The following RNF150 variants were observed in gnomAD, a reference collection of about 807,000 sequenced individuals.
RNF150 encodes ring finger protein 150.
In RNF150, 24 loss-of-function variants were observed where a neutral mutation model predicts 39.3. The ratio of observed to expected loss-of-function variants is 0.61; its 90% confidence interval spans 0.44 to 0.86. The LOEUF is 0.86. RNF150 is among the 40% of genes least tolerant of loss of function. RNF150 has a pLI of 0.00. For synonymous variants in RNF150, 255 were observed against 227.3 expected (o/e 1.12, Z -1.10); for missense variants, 502 against 587.8 (o/e 0.85, Z 1.51).
At chr4:140,871,199 C>T in intron 6 of RNF150, among the ~76,000 whole-genome samples, 1 of 151,690 alleles carries the variant, frequency 6.6e-6, no homozygotes, top group South Asian at 2.1e-4. Flanking sequence ...GCATTAGAGT[C>T]CTTTCCAGTT....
At chr4:141,040,404 G>A (rs1736312895) in intron 1 of RNF150, among the ~76,000 whole-genome samples, 1 of 152,114 alleles carries the variant, frequency 6.6e-6, no homozygotes, top group African/African-American at 2.4e-5. Context: ...TGCACAACAA[G>A]GAGGAGAACT....
intron 1 of RNF150, among the ~76,000 whole-genome samples, chr4:141,172,983 G>C (rs951313440): frequency 6.6e-6 from 1 of 151,908 alleles, no homozygotes; most frequent in African/African-American, 2.4e-5. Flanking sequence ...CCAAGATCGC[G>C]GCATTGCACT....
chr4:141,065,953 G>C (rs1320910400), intron 1 of RNF150, among the ~76,000 whole-genome samples: 1 of 151,960 alleles, frequency 6.6e-6, no homozygotes. Flanking sequence ...ATCAGAAAAG[G>C]CTTCTTTCCT....
chr4:141,002,203 C>T (rs1249190641), intron 1 of RNF150, among the ~76,000 whole-genome samples: 1 of 151,830 alleles, frequency 6.6e-6, no homozygotes, highest in East Asian at 1.9e-4. Flanking sequence ...TAAAGAGTTA[C>T]AATTTTGAAT....
intron 1 of RNF150, among the ~76,000 whole-genome samples, chr4:140,969,428 CCTTTT>C (rs1189567219): frequency 1.3e-5 from 2 of 151,984 alleles, no homozygotes; most frequent in South Asian, 2.1e-4. Flanking sequence ...TTTTGACGCG[CCTTTT>C]CTTTTCATTT....
chr4:140,959,890 C>T (rs1298383563), intron 2 of RNF150, among the ~76,000 whole-genome samples: 1 of 152,038 alleles, frequency 6.6e-6, no homozygotes, highest in East Asian at 1.9e-4. Context: ...GTATCTCAGG[C>T]TCAGGCTACA....
At chr4:140,890,563 G>C (rs1364244098) in intron 6 of RNF150, among the ~76,000 whole-genome samples, 1 of 152,122 alleles carries the variant, frequency 6.6e-6, no homozygotes, top group Non-Finnish European at 1.5e-5. Flanking sequence ...GATAGGATTA[G>C]TGTTCTTATA....
Position 140,866,940 on chromosome 4 carries a change from A to G in RNF150, c.*1321T>C, listed in dbSNP as rs1447509299. 2.0e-5 allele frequency: 3 copies of G among 152,200 alleles called. No individual in the cohort carries two copies. The highest frequency in any genetic ancestry group is 7.2e-5 in the African/African-American group (3 of 41,444). 9.4% of individuals were successfully genotyped at this position (152,200 alleles called of 1,614,324 possible). ...GAATAAAAACAGAAACAGTTTAAAA[A>G]CACCATTGGGTTTCAGTATTTACTT... On this transcript the variant is annotated 3_prime_UTR_variant, in exon 7 of 7. Coordinates refer to ENST00000515673, the MANE Select transcript of RNF150 (RefSeq NM_020724.2).
At chr4:140,876,951 T>G (rs537103783) in intron 6 of RNF150, among the ~76,000 whole-genome samples, 1 of 152,370 alleles carries the variant, frequency 6.6e-6, no homozygotes, top group Middle Eastern at 3.4e-3. Context: ...TGCGGTCAAA[T>G]TAGGAAAATT....
At chr4:141,115,833 T>C (rs959263209) in intron 1 of RNF150, among the ~76,000 whole-genome samples, 1 of 151,950 alleles carries the variant, frequency 6.6e-6, no homozygotes, top group Admixed American at 6.6e-5. Context: ...TCAGAAATAA[T>C]ACCACACATC....
At chr4:141,105,917 A>T (rs1293307966) in intron 1 of RNF150, among the ~76,000 whole-genome samples, 1 of 152,128 alleles carries the variant, frequency 6.6e-6, no homozygotes, top group African/African-American at 2.4e-5. Flanking sequence ...CTTGCTCAAA[A>T]ACCTTTAATG....
intron 5 of RNF150, among the ~76,000 whole-genome samples, chr4:140,924,344 A>G (rs964628341): frequency 6.6e-6 from 1 of 152,236 alleles, no homozygotes; most frequent in Non-Finnish European, 1.5e-5. Flanking sequence ...CTTATTTACA[A>G]GTAGCTTCTG....
At chr4:140,949,131 A>G (rs1732441439) in intron 3 of RNF150, among the ~76,000 whole-genome samples, 170 bp downstream of exon 3, 1 of 152,248 alleles carries the variant, frequency 6.6e-6, no homozygotes, top group Non-Finnish European at 1.5e-5. Flanking sequence ...TACGCATTTT[A>G]TAACAAACTT....
rs139005589 is a variant in RNF150, at chr4:140,924,582, C to T, written c.987+1395G>A. The stretch of plus-strand genomic sequence containing the variant: ...AAAGATTTTGGAGACCATAGACACA[C>T]ATACACACATTTCCCCCTCCCCTGA... On this transcript the variant is annotated intron_variant, in intron 5 of 6. Coordinates refer to ENST00000515673, the MANE Select transcript of RNF150 (RefSeq NM_020724.2). Among the ~76,000 whole-genome samples the T allele has an allele frequency of 1.2e-4, 18 of 152,306 alleles. No homozygotes were observed. The East Asian group carries it at 2.7e-3, about 23-fold the overall frequency.
chr4:141,164,825 G>A (rs1727572518), intron 1 of RNF150, among the ~76,000 whole-genome samples: 1 of 151,140 alleles, frequency 6.6e-6, no homozygotes, highest in Non-Finnish European at 1.5e-5. Flanking sequence ...TGAAAAACTG[G>A]CAGCAGCCAC....
Position 141,140,389 on chromosome 4 carries a change from A to T in RNF150, c.-6+72405T>A, listed in dbSNP as rs190518796. The stretch of plus-strand genomic sequence containing the variant: ...ATCATAAACTCTTCCAAACAACTTT[A>T]TGTCATAAAATGTTTTGGGAGGCTA... On this transcript the variant is annotated intron_variant, in intron 1 of 7. Transcript: ENST00000420921. 5.3e-5 allele frequency among the ~76,000 whole-genome samples: 8 copies of T among 152,294 alleles called. No individual in the cohort carries two copies. The East Asian group carries it at 1.5e-3, about 29-fold the overall frequency.
chr4:141,115,795 T>C (rs1478672798), intron 1 of RNF150, among the ~76,000 whole-genome samples: 1 of 151,990 alleles, frequency 6.6e-6, no homozygotes, highest in Non-Finnish European at 1.5e-5. Flanking sequence ...AAAACAGATA[T>C]ATAGACCAAT....
upstream of RNF150, among the ~76,000 whole-genome samples, chr4:141,137,134 G>A (rs1478155350): frequency 6.6e-6 from 1 of 152,176 alleles, no homozygotes; most frequent in East Asian, 1.9e-4. Context: ...TAGAAACTGA[G>A]TGAAGAAAAT....
Position 141,052,431 on chromosome 4 carries a change from A to G in RNF150, c.484+79894T>C, listed in dbSNP as rs571652782. 4.6e-5 allele frequency among the ~76,000 whole-genome samples: 7 copies of G among 152,232 alleles called. No individual in the cohort carries two copies. In the South Asian group the frequency reaches 1.0e-3, roughly 23 times the overall value. ...CACTCTGTTACCCAGGCTGGAGTGCAGTGGCGCGATCTTGGCTCACTGCAA... is the reference window on the plus strand; with the variant it reads ...CACTCTGTTACCCAGGCTGGAGTGCGGTGGCGCGATCTTGGCTCACTGCAA... On this transcript the variant is annotated intron_variant, in intron 1 of 6. Transcript: ENST00000515673.
Sources: gnomAD v4.1 joint callset for allele counts (sites outside exome capture counted in the v4.1 genomes callset) on GRCh38, gnomAD v4.1.1 for gene constraint, MANE v1.5 for transcripts, NCBI Gene and HGNC (gene_info 2026-07-23, HGNC 2026-07-21) for gene names.